The following RBMS3 variants were observed in gnomAD, a reference collection of about 807,000 sequenced individuals.
RBMS3 encodes RNA binding motif single stranded interacting protein 3.
RBMS3 carries 27 observed loss-of-function variants against 66.8 expected under a neutral mutation model. The ratio of observed to expected loss-of-function variants is 0.40; its 90% CI spans 0.30 to 0.56. RBMS3 has a LOEUF of 0.56. Among genes scored for constraint, RBMS3 ranks in the 20% least tolerant of loss-of-function variants. The probability of loss-of-function intolerance (pLI) is 0.40; values close to 1 mark genes in which losing one functional copy is unlikely to be tolerated. For synonymous variants in RBMS3, 188 were observed against 183.0 expected (o/e 1.03, Z -0.22); for missense variants, 513 against 549.5 (o/e 0.93, Z 0.66).
intron 4 of RBMS3, among the ~76,000 whole-genome samples, chr3:29,713,706 A>G (rs1036929479): frequency 1.3e-5 from 2 of 152,262 alleles, no homozygotes; most frequent in East Asian, 1.9e-4. Context: ...TCCTCCAAGC[A>G]TATATACTGT....
chr3:29,407,256 G>A (rs1217579327), intron 1 of RBMS3, among the ~76,000 whole-genome samples: 1 of 152,162 alleles, frequency 6.6e-6, no homozygotes, highest in Non-Finnish European at 1.5e-5. Flanking sequence ...GCCTAAGAAG[G>A]TTGATACTGG....
At chr3:29,535,613 C>T (rs1035957656) in intron 3 of RBMS3, among the ~76,000 whole-genome samples, 1 of 149,152 alleles carries the variant, frequency 6.7e-6, no homozygotes, top group African/African-American at 2.5e-5. Flanking sequence ...TCAACATTCT[C>T]TAGAAGCACT....
intron 10 of RBMS3, among the ~76,000 whole-genome samples, chr3:29,930,652 T>C (rs2061095419): frequency 6.6e-6 from 1 of 152,038 alleles, no homozygotes; most frequent in South Asian, 2.1e-4. Context: ...TAACCAAAAA[T>C]GTTACCAGAC....
chr3:29,552,651 T>C (rs1488111353), intron 3 of RBMS3, among the ~76,000 whole-genome samples: 1 of 152,124 alleles, frequency 6.6e-6, no homozygotes, highest in Non-Finnish European at 1.5e-5. Flanking sequence ...CAACTTTTAT[T>C]GGATATTGAC....
At chr3:29,623,474 T>C (rs13076811) in intron 4 of RBMS3, among the ~76,000 whole-genome samples, 43 of 150,568 alleles carry the variant, frequency 2.9e-4, no homozygotes, top group Admixed American at 1.5e-3. Flanking sequence ...CGCCTGTAGT[T>C]CCAGCTACTC....
Position 30,009,135 on chromosome 3 carries a change from G to A in RBMS3, c.*5273G>A, listed in dbSNP as rs973371561. On this transcript the variant is annotated 3_prime_UTR_variant, in exon 15 of 15. Transcript: ENST00000383767. ...CTTGGATCTGCAGGAAGAACCACTA[G>A]GCCACTGAGTCATACTTGAGCTTTT... 1.3e-5 allele frequency: 2 copies of A among 152,050 alleles called. No homozygotes were observed. The highest frequency in any genetic ancestry group is 2.9e-5 in the Non-Finnish European group (2 of 67,972). The allele number at this position is 152,050 out of a possible 1,614,324, so 9.4% of individuals were successfully genotyped here. A position where few individuals can be genotyped will look rare whatever the true frequency, so the allele number is the denominator to read the frequency against.
At chr3:29,826,995 AAGGGGGAACTGAGTG>A (rs531667377) in intron 6 of RBMS3, among the ~76,000 whole-genome samples, 2 of 152,252 alleles carry the variant, frequency 1.3e-5, no homozygotes, top group Admixed American at 6.5e-5. Context: ...AAGAGGGGCA[AAGGGGGAACTGAGTG>A]ATTTAAGAAT....
At chr3:29,450,936 CCA>C (rs57995580) in intron 2 of RBMS3, among the ~76,000 whole-genome samples, 2,330 of 139,832 alleles carry the variant, frequency 0.017, 51 homozygotes, top group African/African-American at 0.059. Context: ...CACACACCCC[CCA>C]CACACACACA....
chr3:29,292,619 T>C (rs1020156678), intron 1 of RBMS3, among the ~76,000 whole-genome samples: 1 of 151,606 alleles, frequency 6.6e-6, no homozygotes, highest in Non-Finnish European at 1.5e-5. Flanking sequence ...CTGTGAAGAG[T>C]CTGATGAACC....
intron 4 of RBMS3, among the ~76,000 whole-genome samples, chr3:29,728,792 A>T (rs955598707): frequency 6.6e-6 from 1 of 151,536 alleles, no homozygotes; most frequent in Non-Finnish European, 1.5e-5. Context: ...GTATAGCAGA[A>T]TTTTTTTTTA....
chr3:29,740,483 G>A (rs538012953), intron 5 of RBMS3, among the ~76,000 whole-genome samples: 5 of 152,136 alleles, frequency 3.3e-5, no homozygotes, highest in African/African-American at 7.2e-5. Flanking sequence ...AGAAAAGGAA[G>A]AGTAATTTTC....
chr3:29,588,993 T>C (rs979993539), intron 4 of RBMS3, among the ~76,000 whole-genome samples: 2 of 152,108 alleles, frequency 1.3e-5, no homozygotes, highest in Non-Finnish European at 2.9e-5. Flanking sequence ...ATCTGGAAGT[T>C]AGCAGATTGT....
At chr3:29,488,978 A>G (rs1003253089) in intron 3 of RBMS3, among the ~76,000 whole-genome samples, 3 of 152,212 alleles carry the variant, frequency 2.0e-5, no homozygotes, top group African/African-American at 7.2e-5. Context: ...CAGAGTTGGT[A>G]TCTTATTAAG....
At chr3:29,452,203 C>T (rs1398012404) in intron 2 of RBMS3, among the ~76,000 whole-genome samples, 2 of 152,160 alleles carry the variant, frequency 1.3e-5, no homozygotes, top group Non-Finnish European at 2.9e-5. Context: ...AAATGTCCCT[C>T]CCAGTTGATT....
At chr3:29,818,496 T>A (rs1271357738) in intron 6 of RBMS3, among the ~76,000 whole-genome samples, 1 of 152,098 alleles carries the variant, frequency 6.6e-6, no homozygotes, top group Non-Finnish European at 1.5e-5. Flanking sequence ...CTTGATACAT[T>A]GTTATGAACA....
At chr3:29,644,124 A>C (rs1276944086) in intron 4 of RBMS3, among the ~76,000 whole-genome samples, 2 of 152,214 alleles carry the variant, frequency 1.3e-5, no homozygotes, top group Non-Finnish European at 2.9e-5. Flanking sequence ...GGGGAATTCT[A>C]GTCACTAACA....
chr3:29,438,068 G>A (rs1473764317), intron 2 of RBMS3, among the ~76,000 whole-genome samples: 1 of 131,392 alleles, frequency 7.6e-6, no homozygotes, highest in East Asian at 2.7e-4. Context: ...CTCTCGTAGT[G>A]TTGGCCTCTC....
chr3:29,545,680 T>A (rs2045924501), intron 3 of RBMS3, among the ~76,000 whole-genome samples: 1 of 152,238 alleles, frequency 6.6e-6, no homozygotes, highest in African/African-American at 2.4e-5. Context: ...AAATAAAAGA[T>A]GCTTCTTGCC....
At chr3:29,757,307 T>G (rs559693304) in intron 5 of RBMS3, among the ~76,000 whole-genome samples, 2 of 152,342 alleles carry the variant, frequency 1.3e-5, no homozygotes, top group East Asian at 3.9e-4. Flanking sequence ...ATAGTTGCCA[T>G]GCAGAAAGCA....
Sources: allele counts gnomAD v4.1 joint callset (sites outside exome capture counted in the v4.1 genomes callset), GRCh38; gene constraint gnomAD v4.1.1; transcripts MANE v1.5; gene names NCBI Gene and HGNC (gene_info 2026-07-23, HGNC 2026-07-21).